ELOVL6: variants seen among roughly 807,000 people sequenced by gnomAD.
ELOVL6 encodes very long chain fatty acid elongase 6.
ELOVL6 carries 8 observed loss-of-function variants against 31.7 expected under a neutral mutation model. That is an observed-to-expected ratio of 0.25 (90% confidence interval 0.15 to 0.45). ELOVL6 has a LOEUF of 0.45. ELOVL6 is among the 20% of genes least tolerant of loss of function. The probability of loss-of-function intolerance (pLI) is 1.00; values close to 1 mark genes in which losing one functional copy is unlikely to be tolerated. For missense variants in ELOVL6, 126 were observed against 326.4 expected, an observed-to-expected ratio of 0.39 and a Z score of 4.73; for synonymous variants, 101 against 117.7, an observed-to-expected ratio of 0.86 and a Z score of 0.92.
At chr4:110,110,328 C>T (rs1304374595) in intron 1 of ELOVL6, among the ~76,000 whole-genome samples, 2 of 150,896 alleles carry the variant, frequency 1.3e-5, no homozygotes, top group Admixed American at 6.6e-5. Context: ...AATTCTGCCA[C>T]ATTCTTAAGG....
At chr4:110,183,977 G>A (rs1409960899) in intron 1 of ELOVL6, among the ~76,000 whole-genome samples, 1 of 152,072 alleles carries the variant, frequency 6.6e-6, no homozygotes, top group Non-Finnish European at 1.5e-5. Context: ...GTGAGACCCT[G>A]TCTCAATCAA....
chr4:110,158,657 A>ATATATATATATATATATATTT, intron 1 of ELOVL6, among the ~76,000 whole-genome samples: 2 of 74,162 alleles, frequency 2.7e-5, no homozygotes, highest in African/African-American at 1.7e-4. Context: ...ATATATATAT[A>ATATATATATATATATATATTT]TTTTTTTTTT....
chr4:110,133,686 C>A (rs1757731395), intron 1 of ELOVL6, among the ~76,000 whole-genome samples: 1 of 152,082 alleles, frequency 6.6e-6, no homozygotes, highest in Non-Finnish European at 1.5e-5. Context: ...AAAAGGAAGT[C>A]ATTATTTCCC....
intron 2 of ELOVL6, among the ~76,000 whole-genome samples, chr4:110,071,614 G>A (rs1313195138): frequency 1.3e-5 from 2 of 152,176 alleles, no homozygotes; most frequent in East Asian, 3.9e-4. Context: ...CTCCATGGCT[G>A]GCTCCCCCTC....
chr4:110,190,058 C>T (rs1759568615), intron 1 of ELOVL6, among the ~76,000 whole-genome samples: 1 of 151,674 alleles, frequency 6.6e-6, no homozygotes, highest in South Asian at 2.1e-4. Context: ...TAAAACTTTC[C>T]TTATATCACA....
At chr4:110,057,144 G>A (rs1324975479) in intron 3 of ELOVL6, among the ~76,000 whole-genome samples, 1 of 152,158 alleles carries the variant, frequency 6.6e-6, no homozygotes, top group African/African-American at 2.4e-5. Flanking sequence ...TTGTTCTCAA[G>A]TACCTCAAAT....
intron 3 of ELOVL6, among the ~76,000 whole-genome samples, chr4:110,058,178 T>C (rs563888516): frequency 2.6e-5 from 4 of 152,324 alleles, no homozygotes; most frequent in African/African-American, 7.2e-5. Flanking sequence ...TTTCAGCCAG[T>C]GCTTAACATA....
chr4:110,065,254 A>C (rs1755266270), intron 2 of ELOVL6, among the ~76,000 whole-genome samples: 1 of 152,216 alleles, frequency 6.6e-6, no homozygotes, highest in African/African-American at 2.4e-5. Context: ...TTCAGGTTTT[A>C]TTTTTTCTTG....
At chr4:110,189,009 G>T (rs1407945270) in intron 1 of ELOVL6, among the ~76,000 whole-genome samples, 2 of 152,100 alleles carry the variant, frequency 1.3e-5, no homozygotes. Flanking sequence ...TAGGTGTGGT[G>T]GTTTACACCT....
In ELOVL6 at chr4:110,117,903, AATATATATAT is replaced by A. The variant is rs1194332428; in HGVS notation, c.90-12285_90-12276del. 7.2e-3 allele frequency: 47 copies of A among 6,504 alleles called. 5 individuals are homozygous for A. The highest frequency in any genetic ancestry group is 0.013 in the African/African-American group (41 of 3,064). The allele number at this position is 6,504 out of a possible 1,614,324, so 0.4% of individuals were successfully genotyped here. A position where few individuals can be genotyped will look rare whatever the true frequency, so the allele number is the denominator to read the frequency against. The stretch of plus-strand genomic sequence containing the variant: ...TCTCAAAAAAAAAAAAAAAAAAAAA[AATATATATAT>A]ATATATATATATCTCCCCAGAGAGG... On this transcript the variant is annotated intron_variant, in intron 1 of 3. Transcript: ENST00000302274.
At chr4:110,176,442 G>A (rs768697325) in intron 1 of ELOVL6, among the ~76,000 whole-genome samples, 1 of 152,162 alleles carries the variant, frequency 6.6e-6, no homozygotes, top group East Asian at 1.9e-4. Flanking sequence ...TTACAGGCAT[G>A]AGCCACTGCG....
At chr4:110,185,417 C>T (rs551915138) in intron 1 of ELOVL6, among the ~76,000 whole-genome samples, 1 of 152,278 alleles carries the variant, frequency 6.6e-6, no homozygotes, top group Non-Finnish European at 1.5e-5. Flanking sequence ...CCTACCCCCA[C>T]TCAAGAGCAA....
At chr4:110,100,335 A>G (rs1756706321) in intron 2 of ELOVL6, among the ~76,000 whole-genome samples, 2 of 152,226 alleles carry the variant, frequency 1.3e-5, no homozygotes, top group African/African-American at 4.8e-5. Context: ...ATAGGTTTCA[A>G]TAAATTACCA....
intron 2 of ELOVL6, among the ~76,000 whole-genome samples, chr4:110,085,857 G>A (rs1226749536): frequency 1.3e-5 from 2 of 152,102 alleles, no homozygotes; most frequent in Non-Finnish European, 2.9e-5. Flanking sequence ...TGGGACTACA[G>A]GCATGCTCCA....
intron 1 of ELOVL6, among the ~76,000 whole-genome samples, chr4:110,181,507 T>C (rs183876473): frequency 4.8e-4 from 73 of 152,188 alleles, no homozygotes; most frequent in Non-Finnish European, 2.9e-4. Context: ...TCCTCTAACC[T>C]CTAGGGACAT....
At chr4:110,117,903 A>AATT (rs1553958740) in intron 1 of ELOVL6, 1 of 6,504 alleles carries the variant, frequency 1.5e-4, no homozygotes, top group African/African-American at 3.3e-4. Context: ...AAAAAAAAAA[A>AATT]ATATATATAT....
At chr4:110,124,403 C>T (rs892483100) in intron 1 of ELOVL6, among the ~76,000 whole-genome samples, 7 of 152,208 alleles carry the variant, frequency 4.6e-5, no homozygotes, top group Admixed American at 3.9e-4. Context: ...ATGTCCTTTG[C>T]AGGGACATGG....
intron 1 of ELOVL6, among the ~76,000 whole-genome samples, chr4:110,151,255 A>G (rs911264239): frequency 6.6e-6 from 1 of 151,858 alleles, no homozygotes; most frequent in African/African-American, 2.4e-5. Context: ...TTATATATAC[A>G]TAATGAGATA....
chr4:110,118,630 AT>A (rs774358851), intron 1 of ELOVL6, among the ~76,000 whole-genome samples: 40 of 152,170 alleles, frequency 2.6e-4, no homozygotes, highest in Non-Finnish European at 4.9e-4. Context: ...CAATTTCTTT[AT>A]CCATTGATCT....
Sources: gnomAD v4.1 joint callset for allele counts (sites outside exome capture counted in the v4.1 genomes callset) on GRCh38, gnomAD v4.1.1 for gene constraint, MANE v1.5 for transcripts, NCBI Gene and HGNC (gene_info 2026-07-23, HGNC 2026-07-21) for gene names.